The following SLC9A4 variants were observed in gnomAD, a reference collection of about 807,000 sequenced individuals.
The protein encoded by SLC9A4 is solute carrier family 9 member A4.
Under a neutral mutation model 67.4 loss-of-function variants are expected in SLC9A4, and 63 were observed. That is an observed-to-expected ratio of 0.93 (90% CI 0.76 to 1.15). The LOEUF (loss-of-function observed/expected upper bound fraction) is 1.15, where lower values mean the gene tolerates loss of function less well. Ranked by LOEUF, SLC9A4 falls within the 50% of genes most tolerant of loss-of-function variation. The pLI is 0.00. For synonymous variants in SLC9A4, 393 were observed against 367.2 expected (o/e 1.07, Z -0.80); for missense variants, 1,089 against 987.7 (o/e 1.10, Z -1.38).
At chr2:102,474,492 C>G (rs1684286741) in intron 1 of SLC9A4, among the ~76,000 whole-genome samples, 1 of 151,928 alleles carries the variant, frequency 6.6e-6, no homozygotes, top group Non-Finnish European at 1.5e-5. Flanking sequence ...TGACAGAAAG[C>G]AAAAAACAAG....
chr2:102,503,427 T>C, intron 2 of SLC9A4, 21 bp from the exon 3 acceptor site: 1 of 1,551,904 alleles, frequency 6.4e-7, no homozygotes, highest in South Asian at 1.2e-5. Context: ...TTCATATTTG[T>C]TTACTCTCTT....
rs373574479 is a variant in SLC9A4, at chr2:102,532,822, G to A, written c.*134G>A. On this transcript the variant is annotated 3_prime_UTR_variant, in exon 12 of 12. Coordinates refer to ENST00000295269, the MANE Select transcript of SLC9A4 (RefSeq NM_001011552.4). Reference sequence around the variant, plus strand: ...GAAGCTATTAAACATGGATCTATAAGCAGCAGGAAGATTTTTTCCAAGGAC... The same window carrying A: ...GAAGCTATTAAACATGGATCTATAAACAGCAGGAAGATTTTTTCCAAGGAC... 3.1e-5 allele frequency: 30 copies of A among 962,128 alleles called. 1 individual carries two copies. The African/African-American group carries it at 3.3e-4, about 11-fold the overall frequency. 59.6% of individuals were successfully genotyped at this position (962,128 alleles called of 1,614,324 possible).
chr2:102,508,132 A>G lies in SLC9A4; in HGVS notation c.1252A>G (p.Ile418Val). Residue 418 changes from isoleucine to valine, a missense_variant, in exon 5 of 12, where the codon ATC (isoleucine) becomes GTC (valine). Transcript: ENST00000295269. The stretch of plus-strand genomic sequence containing the variant: ...CCAGTTTCGGACTTTCCCCTTCTCC[A>G]TCAAGGACCAGTGCATCATTTTCTA... ...SNQFRTFPFS[I>V]KDQCIIFYSG... 2 of 1,614,144 alleles carry G rather than the reference A, an allele frequency of 1.2e-6. No homozygotes were observed. The highest frequency in any genetic ancestry group is 8.5e-7 in the Non-Finnish European group (1 of 1,180,022).
Position 102,505,460 on chromosome 2 carries a change from G to C in SLC9A4, c.1187G>C (p.Trp396Ser). ...ICFTLAFCQI[W>S]RAISVFALFY... The stretch of plus-strand genomic sequence containing the variant: ...TTCACCCTGGCCTTCTGCCAAATCT[G>C]GAGAGCCATCAGTAAGAGACGGCAG... Residue 396 changes from tryptophan to serine, a missense_variant, in exon 4 of 12, where the codon TGG becomes TCG. Physicochemically the swap from Trp to Ser is radical, Grantham distance 177. Coordinates refer to ENST00000295269, the MANE Select transcript of SLC9A4 (RefSeq NM_001011552.4). 6.2e-7 allele frequency: 1 copy of C among 1,613,926 alleles called. No homozygotes were observed. Among genetic ancestry groups the C allele is most frequent in the Non-Finnish European group, 8.5e-7 (1 of 1,180,040 alleles).
intron 2 of SLC9A4, among the ~76,000 whole-genome samples, chr2:102,497,966 A>C (rs1684846566): frequency 6.6e-6 from 1 of 152,232 alleles, no homozygotes; most frequent in Non-Finnish European, 1.5e-5. Context: ...TTACAGTGGC[A>C]TCAGCTAAAG....
Position 102,516,353 on chromosome 2 carries a change from G to A in SLC9A4, c.1721+2102G>A, listed in dbSNP as rs182234135. 2.0e-3 allele frequency among the ~76,000 whole-genome samples: 311 copies of A among 152,080 alleles called. 2 individuals carry two copies. The highest frequency in any genetic ancestry group is 7.1e-3 in the African/African-American group (294 of 41,482). ...TTAATACATATTTAGTATTTAAATT[G>A]CCTTTATTTGATCTCATCAGAAATC... On this transcript the variant is annotated intron_variant, in intron 8 of 11. Transcript: ENST00000295269.
At chr2:102,477,510 C>A (rs1443259297) in intron 1 of SLC9A4, among the ~76,000 whole-genome samples, 1 of 152,214 alleles carries the variant, frequency 6.6e-6, no homozygotes, top group African/African-American at 2.4e-5. Flanking sequence ...GTAAATCATT[C>A]TGCCTGAGTC....
chr2:102,517,465 C>A (rs1461098765), intron 8 of SLC9A4, among the ~76,000 whole-genome samples: 1 of 152,034 alleles, frequency 6.6e-6, no homozygotes, highest in East Asian at 1.9e-4. Context: ...AGAATGAGGG[C>A]AGACTGAAGA....
chr2:102,520,015 G>A, intron 9 of SLC9A4, 60 bp downstream of exon 9: 1 of 1,445,904 alleles, frequency 6.9e-7, no homozygotes, highest in South Asian at 1.2e-5. Flanking sequence ...TCTCTGAAGG[G>A]GGAGTCTGTT....
intron 2 of SLC9A4, among the ~76,000 whole-genome samples, chr2:102,497,960 A>G (rs1684846286): frequency 6.6e-6 from 1 of 152,210 alleles, no homozygotes; most frequent in Non-Finnish European, 1.5e-5. Context: ...AAACTTTTAC[A>G]GTGGCATCAG....
At position 102,479,168 on chromosome 2, in the gene SLC9A4, A is replaced by G. The variant is rs1166513090; in HGVS notation, c.586A>G (p.Asn196Asp). The G allele has an allele frequency of 6.2e-7, 1 of 1,614,168 alleles. No homozygotes were observed. The change falls in exon 2 of 12, where the codon AAC (asparagine) becomes GAC (aspartate). Residue 196 changes from asparagine (N) to aspartate (D), a missense_variant. By Grantham distance (23) the Asn-to-Asp change is conservative (BLOSUM62 1). Transcript: ENST00000295269. The stretch of plus-strand genomic sequence containing the variant: ...CCTGGGCGACGTCAACCTGCTGCAG[A>G]ACCTGCTGTTCGGCAGCCTGATCTC... ...FGLGDVNLLQNLLFGSLISAV... is the reference protein window; with the variant it reads ...FGLGDVNLLQDLLFGSLISAV...
chr2:102,522,237 T>C (rs570539058), intron 9 of SLC9A4, among the ~76,000 whole-genome samples: 1 of 152,262 alleles, frequency 6.6e-6, no homozygotes, highest in South Asian at 2.1e-4. Context: ...AATTTCTACA[T>C]ACTTTCAAAG....
intron 10 of SLC9A4, among the ~76,000 whole-genome samples, chr2:102,525,980 C>T (rs1259822092): frequency 6.6e-6 from 1 of 152,106 alleles, no homozygotes; most frequent in Non-Finnish European, 1.5e-5. Flanking sequence ...CTCTGTCTCC[C>T]GGGTTCATGC....
intron 11 of SLC9A4, among the ~76,000 whole-genome samples, chr2:102,529,590 A>G (rs1674736208): frequency 6.6e-6 from 1 of 152,246 alleles, no homozygotes; most frequent in African/African-American, 2.4e-5. Flanking sequence ...GATCAGGATA[A>G]GGCTGAGATA....
intron 2 of SLC9A4, among the ~76,000 whole-genome samples, chr2:102,486,789 G>A (rs1281687895): frequency 1.3e-5 from 2 of 152,252 alleles, no homozygotes; most frequent in South Asian, 2.1e-4. Flanking sequence ...GCCTGGCACA[G>A]GGCAGGTGAT....
At chr2:102,525,948 C>T (rs1674654269) in intron 10 of SLC9A4, among the ~76,000 whole-genome samples, 1 of 152,128 alleles carries the variant, frequency 6.6e-6, no homozygotes, top group Non-Finnish European at 1.5e-5. Flanking sequence ...CAGTGAGTGG[C>T]GCGATCTCAG....
At chr2:102,488,548 C>CTT (rs5833020) in intron 2 of SLC9A4, among the ~76,000 whole-genome samples, 4 of 124,006 alleles carry the variant, frequency 3.2e-5, no homozygotes, top group Admixed American at 8.0e-5. Flanking sequence ...AATCTAATTC[C>CTT]TTTTTTTTTT....
rs374368102 is a variant in SLC9A4 at position 102,474,015 on chromosome 2, G to A, written c.256G>A (p.Gly86Ser). The change falls in exon 1 of 12, where the codon GGC becomes AGC. Residue 86 changes from glycine (G) to serine (S), a missense_variant and splice_region_variant. Gly to Ser is a moderately conservative substitution (Grantham distance 56). Coordinates refer to ENST00000295269, the MANE Select transcript of SLC9A4 (RefSeq NM_001011552.4). ...WILLASLAKI[G>S]FHLYHRLPGL... ...ACTTCTAGCATCCCTTGCAAAAATA[G>A]GTAAGTCCTTAAACACCTGGTTTGG... 134 of 1,612,500 alleles carry A rather than the reference G, an allele frequency of 8.3e-5. No homozygotes were observed. The highest frequency in any genetic ancestry group is 1.8e-4 in the Admixed American group (11 of 59,952).
intron 2 of SLC9A4, among the ~76,000 whole-genome samples, chr2:102,486,596 A>C (rs927191407): frequency 3.9e-5 from 6 of 152,174 alleles, no homozygotes; most frequent in Non-Finnish European, 7.3e-5. Flanking sequence ...AGCTTTACCA[A>C]GAGACAGTTT....
Sources: gnomAD v4.1 joint callset for allele counts (sites outside exome capture counted in the v4.1 genomes callset) on GRCh38, gnomAD v4.1.1 for gene constraint, MANE v1.5 for transcripts, NCBI Gene and HGNC (gene_info 2026-07-23, HGNC 2026-07-21) for gene names.